The following ITPR1 variants were observed in gnomAD, a reference collection of about 807,000 sequenced individuals.
ITPR1 encodes the protein inositol 1,4,5-trisphosphate-gated calcium channel ITPR1.
A neutral mutation model predicts 318.4 loss-of-function variants in ITPR1; 96 were observed. The observed-to-expected ratio is 0.30, with a 90% CI of 0.26 to 0.36. ITPR1 has a LOEUF of 0.36. Among genes scored for constraint, ITPR1 ranks in the 10% least tolerant of loss-of-function variants. The probability of loss-of-function intolerance (pLI) is 1.00; values close to 1 mark genes in which losing one functional copy is unlikely to be tolerated. For synonymous variants in ITPR1, 1,312 were observed against 1,289.9 expected, an observed-to-expected ratio of 1.02 and a Z score of -0.37; for missense variants, 2,440 against 3,460.2, an observed-to-expected ratio of 0.71 and a Z score of 7.40.
At chr3:4,839,352 T>C (rs1192781720) in intron 61 of ITPR1, among the ~76,000 whole-genome samples, 1 of 151,352 alleles carries the variant, frequency 6.6e-6, no homozygotes, top group African/African-American at 2.4e-5. Context: ...AATAGAGGTA[T>C]AGGACAGTAT....
At chr3:4,635,059 A>G (rs1419431481) in intron 5 of ITPR1, among the ~76,000 whole-genome samples, 1 of 152,126 alleles carries the variant, frequency 6.6e-6, no homozygotes, top group African/African-American at 2.4e-5. Flanking sequence ...CTCATTTTTA[A>G]TGGCTACACG....
chr3:4,738,917 C>T (rs2043492451), intron 44 of ITPR1, among the ~76,000 whole-genome samples: 1 of 151,712 alleles, frequency 6.6e-6, no homozygotes, highest in South Asian at 2.1e-4. Context: ...TGTGGCCGCA[C>T]GCACATGCTG....
intron 4 of ITPR1, among the ~76,000 whole-genome samples, chr3:4,591,319 GT>G (rs1386927036): frequency 6.6e-6 from 1 of 152,170 alleles, no homozygotes; most frequent in Non-Finnish European, 1.5e-5. Flanking sequence ...TTCCACAATG[GT>G]TGAACTAATT....
chr3:4,508,593 T>G (rs1435793745), intron 2 of ITPR1, among the ~76,000 whole-genome samples: 1 of 151,804 alleles, frequency 6.6e-6, no homozygotes, highest in African/African-American at 2.4e-5. Context: ...CACTAAAAGC[T>G]TTTAGAAAAA....
At chr3:4,534,928 C>T (rs1036324837) in intron 4 of ITPR1, among the ~76,000 whole-genome samples, 9 of 152,120 alleles carry the variant, frequency 5.9e-5, no homozygotes, top group African/African-American at 1.4e-4. Flanking sequence ...AACTTTGCTT[C>T]GGTCTTGTCG....
At chr3:4,734,934 C>G (rs988610494) in intron 43 of ITPR1, among the ~76,000 whole-genome samples, 1 of 152,136 alleles carries the variant, frequency 6.6e-6, no homozygotes, top group African/African-American at 2.4e-5. Context: ...TTCATCTTAC[C>G]TGTCTGAATT....
At chr3:4,657,309 T>G (rs1163880571) in intron 12 of ITPR1, among the ~76,000 whole-genome samples, 1 of 151,892 alleles carries the variant, frequency 6.6e-6, no homozygotes, top group African/African-American at 2.4e-5. Context: ...TGAATCCAGC[T>G]GCCCACAACC....
Position 4,493,541 on chromosome 3 carries a change from C to T in ITPR1, c.-157C>T, listed in dbSNP as rs1411919563. Reference sequence around the variant, plus strand: ...CCCTCTTCGCGGACATGGGATTACCCAGCGGCTGCTAACCCCTCTCCTCGC... The same window carrying T: ...CCCTCTTCGCGGACATGGGATTACCTAGCGGCTGCTAACCCCTCTCCTCGC... On this transcript the variant is annotated 5_prime_UTR_variant, in exon 1 of 62. Coordinates refer to ENST00000649015, the MANE Select transcript of ITPR1 (RefSeq NM_001378452.1). 6.5e-6 allele frequency: 1 copy of T among 153,172 alleles called. No homozygotes were observed. Among genetic ancestry groups the T allele is most frequent in the Non-Finnish European group, 1.5e-5 (1 of 68,234 alleles). 9.5% of individuals were successfully genotyped at this position (153,172 alleles called of 1,614,324 possible).
chr3:4,691,412 T>C, intron 32 of ITPR1, 68 bp downstream of exon 32: 1 of 1,124,272 alleles, frequency 8.9e-7, no homozygotes, highest in African/African-American at 1.6e-5. Flanking sequence ...TATTTAATCT[T>C]ATCTGTATGA....
intron 21 of ITPR1, among the ~76,000 whole-genome samples, chr3:4,673,698 T>A (rs1574796132): frequency 1.3e-5 from 2 of 152,280 alleles, no homozygotes; most frequent in East Asian, 3.9e-4. Context: ...TTCTCCTTCC[T>A]CAGCCTCCCA....
At chr3:4,548,686 G>A (rs1213190182) in intron 4 of ITPR1, among the ~76,000 whole-genome samples, 1 of 152,114 alleles carries the variant, frequency 6.6e-6, no homozygotes, top group Non-Finnish European at 1.5e-5. Context: ...GTCAAGTCAG[G>A]AGTTTCATTT....
At chr3:4,677,564 C>A (rs2094209688) in intron 24 of ITPR1, among the ~76,000 whole-genome samples, 1 of 152,046 alleles carries the variant, frequency 6.6e-6, no homozygotes, top group Non-Finnish European at 1.5e-5. Flanking sequence ...GTGAAGAGGG[C>A]ACATTTGGGA....
intron 5 of ITPR1, among the ~76,000 whole-genome samples, chr3:4,633,983 G>A (rs762261890): frequency 6.6e-6 from 1 of 152,112 alleles, no homozygotes; most frequent in Non-Finnish European, 1.5e-5. Context: ...ATTGTCATTC[G>A]ATAATAGTTT....
At chr3:4,615,217 C>T (rs1333650010) in intron 4 of ITPR1, among the ~76,000 whole-genome samples, 1 of 152,152 alleles carries the variant, frequency 6.6e-6, no homozygotes, top group Non-Finnish European at 1.5e-5. Flanking sequence ...CCTGAGTCTT[C>T]TGCAGCCTTC....
chr3:4,496,369 T>C (rs1215607807), intron 2 of ITPR1, among the ~76,000 whole-genome samples: 13 of 152,202 alleles, frequency 8.5e-5, no homozygotes. Flanking sequence ...CAATCTGCTC[T>C]TTGAATAATT....
chr3:4,753,828 C>G (rs780008617), intron 44 of ITPR1, among the ~76,000 whole-genome samples: 24 of 152,112 alleles, frequency 1.6e-4, no homozygotes, highest in Non-Finnish European at 4.4e-5. Context: ...TGTGCGGGCT[C>G]TCACCTGTTT....
chr3:4,730,390 TG>T (rs2042836859), intron 42 of ITPR1, among the ~76,000 whole-genome samples: 2 of 142,182 alleles, frequency 1.4e-5, no homozygotes, highest in Non-Finnish European at 3.2e-5. Flanking sequence ...TGTGTGTGTG[TG>T]TGTGTGTGTG....
chr3:4,751,034 C>G (rs1015521559), intron 44 of ITPR1: 2 of 152,750 alleles, frequency 1.3e-5, no homozygotes, highest in African/African-American at 2.4e-5. Context: ...TCAGATTGCT[C>G]CAAAACCAGG....
chr3:4,700,348 G>A (rs1341540606), intron 35 of ITPR1, among the ~76,000 whole-genome samples: 1 of 152,188 alleles, frequency 6.6e-6, no homozygotes, highest in Non-Finnish European at 1.5e-5. Context: ...TGCCTTACAT[G>A]CATGGTCATC....
Sources: allele counts gnomAD v4.1 joint callset (sites outside exome capture counted in the v4.1 genomes callset), GRCh38; gene constraint gnomAD v4.1.1; transcripts MANE v1.5; gene names NCBI Gene and HGNC (gene_info 2026-07-23, HGNC 2026-07-21).